SMAP2: variants seen among roughly 807,000 people sequenced by gnomAD.
SMAP2 encodes small ArfGAP2, also known as stromal membrane-associated protein 2.
A neutral mutation model predicts 56.4 loss-of-function variants in SMAP2; 25 were observed. That is an observed-to-expected ratio of 0.44 (90% confidence interval 0.32 to 0.62). SMAP2 has a LOEUF of 0.62. SMAP2 is among the 20% of genes least tolerant of loss of function. The pLI, the probability that SMAP2 is intolerant of heterozygous loss-of-function variation, is 0.04. For synonymous variants in SMAP2, 157 were observed against 181.7 expected (o/e 0.86, Z 1.09); for missense variants, 388 against 545.6 (o/e 0.71, Z 2.88).
chr1:40,403,819 C>A, intron 1 of SMAP2: 1 of 229,554 alleles, frequency 4.4e-6, no homozygotes, highest in Non-Finnish European at 7.2e-6. Context: ...CTACAACTGG[C>A]AGAGTGTGGT....
chr1:40,387,671 T>C (rs1265344902), intron 1 of SMAP2, among the ~76,000 whole-genome samples: 1 of 151,928 alleles, frequency 6.6e-6, no homozygotes, highest in Non-Finnish European at 1.5e-5. Context: ...CACTTTCACA[T>C]TGAGAGGTGA....
upstream of SMAP2, among the ~76,000 whole-genome samples, chr1:40,369,937 A>C: frequency 2.4e-5 from 1 of 42,498 alleles, no homozygotes; most frequent in African/African-American, 9.9e-5. Flanking sequence ...AATGGGAGAA[A>C]ATTTTCGCAA....
At chr1:40,355,190 A>C (rs1411385499) in intron 1 of SMAP2, among the ~76,000 whole-genome samples, 1 of 152,042 alleles carries the variant, frequency 6.6e-6, no homozygotes, top group African/African-American at 2.4e-5. Context: ...ATAGAAACTG[A>C]CCAGAGTTCT....
chr1:40,348,981 G>T (rs1485134430), intron 1 of SMAP2, among the ~76,000 whole-genome samples: 1 of 152,082 alleles, frequency 6.6e-6, no homozygotes, highest in Non-Finnish European at 1.5e-5. Flanking sequence ...TGTTGGCCAG[G>T]CTGGTCTCAA....
At chr1:40,389,303 A>G (rs949182261) in intron 1 of SMAP2, among the ~76,000 whole-genome samples, 2 of 22,448 alleles carry the variant, frequency 8.9e-5, no homozygotes, top group Non-Finnish European at 1.6e-4. Context: ...CAGCTACTGC[A>G]TTATTATTTT....
chr1:40,381,940 CT>C (rs142488858), intron 1 of SMAP2, among the ~76,000 whole-genome samples: 2,790 of 152,128 alleles, frequency 0.018, 74 homozygotes, highest in East Asian at 0.087. Context: ...TTCTGGAGCT[CT>C]TGATGTTGAT....
chr1:40,392,884 G>C (rs1489152745), intron 1 of SMAP2, among the ~76,000 whole-genome samples: 1 of 152,092 alleles, frequency 6.6e-6, no homozygotes, highest in East Asian at 1.9e-4. Context: ...TGCATCACTA[G>C]GTCAGGAGAT....
At chr1:40,350,864 C>A (rs1644406753) in intron 1 of SMAP2, among the ~76,000 whole-genome samples, 1 of 152,200 alleles carries the variant, frequency 6.6e-6, no homozygotes, top group African/African-American at 2.4e-5. Context: ...ATGTTGTTCA[C>A]TGGGATTTTT....
chr1:40,367,754 A>G (rs1012543887), intron 2 of SMAP2, among the ~76,000 whole-genome samples: 9 of 148,600 alleles, frequency 6.1e-5, no homozygotes, highest in African/African-American at 2.3e-4. Flanking sequence ...GAAAGCAGGA[A>G]AGATCCAAAA....
At chr1:40,381,735 A>G (rs1010829452) in intron 1 of SMAP2, among the ~76,000 whole-genome samples, 22 of 152,300 alleles carry the variant, frequency 1.4e-4, no homozygotes, top group African/African-American at 5.1e-4. Context: ...TAAGAAGCCC[A>G]TAGTATTGTA....
intron 1 of SMAP2, among the ~76,000 whole-genome samples, chr1:40,356,404 T>TG (rs1557822020): frequency 2.0e-5 from 3 of 148,682 alleles, no homozygotes; most frequent in African/African-American, 5.0e-5. Context: ...GTGGGTTTTT[T>TG]GTTTTTTTTT....
chr1:40,362,768 C>T (rs1644464706), intron 2 of SMAP2, among the ~76,000 whole-genome samples: 1 of 151,944 alleles, frequency 6.6e-6, no homozygotes, highest in South Asian at 2.1e-4. Context: ...TTGCTCTGTC[C>T]CTCGTAAGCA....
upstream of SMAP2, among the ~76,000 whole-genome samples, chr1:40,373,140 G>C (rs753153838): frequency 5.3e-5 from 8 of 152,118 alleles, no homozygotes; most frequent in Non-Finnish European, 1.0e-4. Flanking sequence ...GAAACAAACT[G>C]TCTGGGCACC....
upstream of SMAP2, among the ~76,000 whole-genome samples, chr1:40,371,282 C>G (rs1364140871): frequency 6.6e-6 from 1 of 151,658 alleles, no homozygotes; most frequent in Admixed American, 6.6e-5. Context: ...AAATTCAAGA[C>G]TTCAAAAAAA....
intron 1 of SMAP2, among the ~76,000 whole-genome samples, chr1:40,354,040 C>T (rs112895434): frequency 3.9e-5 from 6 of 152,232 alleles, no homozygotes; most frequent in African/African-American, 9.6e-5. Flanking sequence ...ATGGCCTTGT[C>T]CAGAAGCTGA....
chr1:40,394,747 G>A (rs561020392), intron 1 of SMAP2, among the ~76,000 whole-genome samples: 186 of 151,996 alleles, frequency 1.2e-3, no homozygotes, highest in African/African-American at 4.3e-3. Flanking sequence ...TTTTTACGAC[G>A]ATGTAATTGA....
At chr1:40,384,967 C>T (rs1014202294) in intron 1 of SMAP2, among the ~76,000 whole-genome samples, 4 of 152,144 alleles carry the variant, frequency 2.6e-5, no homozygotes, top group African/African-American at 9.7e-5. Flanking sequence ...CCTTCCCTAC[C>T]CCACTCTTCT....
chr1:40,352,980 A>G (rs1227646465), intron 1 of SMAP2, among the ~76,000 whole-genome samples: 1 of 152,204 alleles, frequency 6.6e-6, no homozygotes, highest in Non-Finnish European at 1.5e-5. Context: ...TTGCAGATGG[A>G]GTCAGGCATG....
At chr1:40,407,309 AC>A (rs1374036534) in intron 2 of SMAP2, among the ~76,000 whole-genome samples, 1 of 152,140 alleles carries the variant, frequency 6.6e-6, no homozygotes, top group Non-Finnish European at 1.5e-5. Context: ...ACAGAGTGAG[AC>A]ACCTGTCTCT....
Sources: allele counts gnomAD v4.1 joint callset (sites outside exome capture counted in the v4.1 genomes callset), GRCh38; gene constraint gnomAD v4.1.1; transcripts MANE v1.5; gene names NCBI Gene and HGNC (gene_info 2026-07-23, HGNC 2026-07-21).